RASA1: variants seen among roughly 807,000 people sequenced by gnomAD.
RASA1 encodes the protein RAS p21 protein activator 1.
A neutral mutation model predicts 132.2 loss-of-function variants in RASA1; 25 were observed. The observed-to-expected ratio is 0.19, with a 90% confidence interval of 0.14 to 0.26. The LOEUF (loss-of-function observed/expected upper bound fraction) is 0.26. RASA1 is among the 10% of genes least tolerant of loss of function. The pLI, the probability that RASA1 is intolerant of heterozygous loss-of-function variation, is 1.00. For synonymous variants in RASA1, 477 were observed against 449.9 expected, an observed-to-expected ratio of 1.06 and a Z score of -0.76; for missense variants, 964 against 1,299.2, an observed-to-expected ratio of 0.74 and a Z score of 3.97.
chr5:87,272,955 A>G (rs1753912431), intron 1 of RASA1, among the ~76,000 whole-genome samples: 1 of 152,200 alleles, frequency 6.6e-6, no homozygotes, highest in Admixed American at 6.5e-5. Context: ...TGTTGGACTA[A>G]ATACTGACTA....
intron 1 of RASA1, among the ~76,000 whole-genome samples, chr5:87,302,416 GTATT>G (rs1755406554): frequency 1.3e-5 from 2 of 150,748 alleles, no homozygotes; most frequent in African/African-American, 4.9e-5. Context: ...TTCTTTTTTT[GTATT>G]TATTTCTGGT....
rs1753639420 is a variant in RASA1 at position 87,267,956 on chromosome 5, C to CA, written c.-496_-495insA. On this transcript the variant is annotated 5_prime_UTR_variant, in exon 1 of 25. Transcript: ENST00000274376. Reference sequence around the variant, plus strand: ...ACCCCGCCCCCCTTTCTCTTGCCCCCCCACCCCTCTCATCTGCCTGGTGGA... The same window carrying CA: ...ACCCCGCCCCCCTTTCTCTTGCCCCCACCACCCCTCTCATCTGCCTGGTGGA... The CA allele has an allele frequency of 5.1e-6, 2 of 393,582 alleles. No homozygotes were observed. The highest frequency in any genetic ancestry group is 8.9e-6 in the Non-Finnish European group (2 of 225,002). 24.4% of individuals were successfully genotyped at this position (393,582 alleles called of 1,614,324 possible). A position where few individuals can be genotyped will look rare whatever the true frequency, so the allele number is the denominator to read the frequency against.
At chr5:87,376,771 G>T (rs1268772150) in intron 16 of RASA1, 110 bp from the exon 17 acceptor site, 2 of 1,248,996 alleles carry the variant, frequency 1.6e-6, no homozygotes, top group East Asian at 4.9e-5. Context: ...TATTCAATGG[G>T]ACATCATTTT....
chr5:87,306,955 C>T (rs1410269480), intron 1 of RASA1, among the ~76,000 whole-genome samples: 2 of 152,118 alleles, frequency 1.3e-5, no homozygotes, highest in African/African-American at 4.8e-5. Context: ...AACTCCTGGG[C>T]TCAAGCAGTC....
At chr5:87,358,986 T>C (rs1412260867) in intron 9 of RASA1, among the ~76,000 whole-genome samples, 3 of 152,220 alleles carry the variant, frequency 2.0e-5, no homozygotes, top group African/African-American at 7.2e-5. Flanking sequence ...ACACTGCAAC[T>C]TGCTCAACCC....
intron 4 of RASA1, among the ~76,000 whole-genome samples, chr5:87,336,957 A>G (rs1274620064): frequency 6.6e-6 from 1 of 152,114 alleles, no homozygotes; most frequent in African/African-American, 2.4e-5. Flanking sequence ...TCCAAGATAC[A>G]ATGAAGCTTG....
chr5:87,289,647 G>C (rs919135008), intron 1 of RASA1, among the ~76,000 whole-genome samples: 1 of 152,040 alleles, frequency 6.6e-6, no homozygotes, highest in Non-Finnish European at 1.5e-5. Flanking sequence ...GTCTTGCTTT[G>C]TTTCTCAGGT....
At chr5:87,380,648 T>A (rs1218262250) in intron 20 of RASA1, 53 bp downstream of exon 20, 2 of 1,442,808 alleles carry the variant, frequency 1.4e-6, no homozygotes, top group African/African-American at 2.8e-5. Flanking sequence ...TGGATAATTG[T>A]GAAAAATTGA....
intron 1 of RASA1, among the ~76,000 whole-genome samples, chr5:87,302,761 C>T (rs776548065): frequency 4.0e-5 from 6 of 151,086 alleles, no homozygotes; most frequent in African/African-American, 1.5e-4. Context: ...CTAATACGCA[C>T]ACCACCTCTT....
chr5:87,361,143 C>T (rs1274282427), intron 9 of RASA1, among the ~76,000 whole-genome samples: 6 of 152,128 alleles, frequency 3.9e-5, no homozygotes, highest in African/African-American at 4.8e-5. Flanking sequence ...TTTAGTGTGT[C>T]CACTAAAGTC....
intron 1 of RASA1, among the ~76,000 whole-genome samples, chr5:87,284,917 ATTTTTGTTTTGACATTGT>A (rs1393150242): frequency 6.6e-6 from 1 of 152,066 alleles, no homozygotes; most frequent in Non-Finnish European, 1.5e-5. Flanking sequence ...ATAACCTAAT[ATTTTTGTTTTGACATTGT>A]TTTTTAAGAA....
intron 7 of RASA1, among the ~76,000 whole-genome samples, chr5:87,347,193 G>A (rs1758928657): frequency 6.6e-6 from 1 of 151,872 alleles, no homozygotes; most frequent in Admixed American, 6.6e-5. Context: ...TCAGTAGAAC[G>A]ATATTGTATT....
At chr5:87,351,695 T>C (rs1054801395) in intron 8 of RASA1, among the ~76,000 whole-genome samples, 6 of 151,754 alleles carry the variant, frequency 4.0e-5, no homozygotes, top group Non-Finnish European at 5.9e-5. Context: ...GACTGTTTAT[T>C]TCGGTGTTTC....
In RASA1 at chr5:87,304,993, A is replaced by G. The variant is rs1191787505; in HGVS notation, c.540-26355A>G. Reference sequence around the variant, plus strand: ...ACGTCAGTTGTCAAATATACTTTGTATTTATCTGAAAATGTACTTGTTTTT... The same window carrying G: ...ACGTCAGTTGTCAAATATACTTTGTGTTTATCTGAAAATGTACTTGTTTTT... On this transcript the variant is annotated intron_variant, in intron 1 of 24. Coordinates refer to ENST00000274376, the MANE Select transcript of RASA1 (RefSeq NM_002890.3). 1.7e-4 allele frequency among the ~76,000 whole-genome samples: 5 copies of G among 29,586 alleles called. No individual in the cohort carries two copies. In the Admixed American group the frequency reaches 1.9e-3, roughly 11 times the overall value. The allele number at this position is 29,586 out of a possible 152,430, so 19.4% of individuals were successfully genotyped here.
chr5:87,391,066 C>A lies in RASA1; in HGVS notation c.*183C>A. On this transcript the variant is annotated 3_prime_UTR_variant, in exon 25 of 25. Transcript: ENST00000274376. ...ATAACTATGCCAGCAACCTTGTAAGCTATCTGTGCAGGATATTTGCACTAT... is the reference window on the plus strand; with the variant it reads ...ATAACTATGCCAGCAACCTTGTAAGATATCTGTGCAGGATATTTGCACTAT... 1 of 687,802 alleles carries A rather than the reference C, an allele frequency of 1.5e-6. No homozygotes were observed. Among genetic ancestry groups the A allele is most frequent in the Non-Finnish European group, 2.6e-6 (1 of 381,456 alleles). 42.6% of individuals were successfully genotyped at this position (687,802 alleles called of 1,614,324 possible). A position where few individuals can be genotyped will look rare whatever the true frequency, so the allele number is the denominator to read the frequency against.
At chr5:87,354,015 A>T (rs1759470888) in intron 9 of RASA1, among the ~76,000 whole-genome samples, 1 of 152,086 alleles carries the variant, frequency 6.6e-6, no homozygotes, top group Non-Finnish European at 1.5e-5. Flanking sequence ...AGGATTATTA[A>T]GGGTTTTGGG....
chr5:87,270,903 T>C (rs1041405745), intron 1 of RASA1, among the ~76,000 whole-genome samples: 5 of 152,120 alleles, frequency 3.3e-5, no homozygotes, highest in Non-Finnish European at 7.4e-5. Context: ...CATATTTTAA[T>C]GTCTTTGTAA....
intron 12 of RASA1, 57 bp from the exon 13 acceptor site, chr5:87,372,061 A>T: frequency 1.3e-6 from 2 of 1,488,982 alleles, no homozygotes. Flanking sequence ...CTAACTGATG[A>T]TTTGGAAGCC....
intron 8 of RASA1, among the ~76,000 whole-genome samples, chr5:87,352,856 AT>A (rs1268023729): frequency 6.6e-6 from 1 of 151,920 alleles, no homozygotes; most frequent in Non-Finnish European, 1.5e-5. Flanking sequence ...TAGACTTTTA[AT>A]CATTTCCTCA....
Sources: allele counts gnomAD v4.1 joint callset (sites outside exome capture counted in the v4.1 genomes callset), GRCh38; gene constraint gnomAD v4.1.1; transcripts MANE v1.5; gene names NCBI Gene and HGNC (gene_info 2026-07-23, HGNC 2026-07-21).